Variants in FAM135B observed in about 807,000 individuals in gnomAD.
FAM135B encodes the protein protein FAM135B.
FAM135B carries 43 observed loss-of-function variants against 127.7 expected under a neutral mutation model. That is an observed-to-expected ratio of 0.34 (90% CI 0.26 to 0.43). FAM135B has a LOEUF of 0.43. FAM135B is among the 20% of genes least tolerant of loss of function. The pLI, the probability that FAM135B is intolerant of heterozygous loss-of-function variation, is 1.00. For synonymous variants in FAM135B, 670 were observed against 665.1 expected (o/e 1.01, Z -0.11); for missense variants, 1,558 against 1,725.6 (o/e 0.90, Z 1.72).
At chr8:138,278,768 T>C (rs1261141549) in intron 3 of FAM135B, among the ~76,000 whole-genome samples, 1 of 151,962 alleles carries the variant, frequency 6.6e-6, no homozygotes, top group East Asian at 1.9e-4. Context: ...TTCGCCACGT[T>C]GGCCAGTCTG....
intron 7 of FAM135B, among the ~76,000 whole-genome samples, chr8:138,205,682 C>CCAA (rs1035642471): frequency 3.3e-5 from 5 of 152,088 alleles, no homozygotes; most frequent in African/African-American, 4.8e-5. Flanking sequence ...TTGAGTTGAA[C>CCAA]TGCAAATATT....
chr8:138,478,393 A>G (rs142702135), intron 1 of FAM135B, among the ~76,000 whole-genome samples: 151 of 152,302 alleles, frequency 9.9e-4, no homozygotes, highest in African/African-American at 3.2e-3. Context: ...ATGGGGGTGC[A>G]TATTACCTCC....
In FAM135B at chr8:138,373,615, C is replaced by T. The variant is rs367928337; in HGVS notation, c.-19-5613G>A. Among the ~76,000 whole-genome samples, 25 of 151,914 alleles carry T rather than the reference C, an allele frequency of 1.6e-4. No homozygotes were observed. In the East Asian group the frequency reaches 2.3e-3, roughly 14 times the overall value. On this transcript the variant is annotated intron_variant, in intron 1 of 19. Coordinates refer to ENST00000395297, the MANE Select transcript of FAM135B (RefSeq NM_015912.4). ...AAACTCTGACCACTGGTGAGCTGGG[C>T]GGAACAGAGCCATATTTCTCTTCTT...
At chr8:138,318,015 C>T (rs1827210019) in intron 2 of FAM135B, among the ~76,000 whole-genome samples, 1 of 152,210 alleles carries the variant, frequency 6.6e-6, no homozygotes, top group South Asian at 2.1e-4. Context: ...TGTAATAAAA[C>T]ATCTTTAAAA....
intron 7 of FAM135B, among the ~76,000 whole-genome samples, chr8:138,234,282 G>C (rs1586840923): frequency 6.6e-6 from 1 of 152,150 alleles, no homozygotes; most frequent in Non-Finnish European, 1.5e-5. Flanking sequence ...GTAGAATAGT[G>C]CAGCCACTAT....
intron 2 of FAM135B, among the ~76,000 whole-genome samples, chr8:138,335,537 A>C (rs1828513107): frequency 6.6e-6 from 1 of 152,216 alleles, no homozygotes; most frequent in African/African-American, 2.4e-5. Context: ...TAAAGGGATC[A>C]ATTCAACAAG....
intron 12 of FAM135B, among the ~76,000 whole-genome samples, chr8:138,163,654 G>A (rs534499151): frequency 4.5e-4 from 68 of 152,140 alleles, no homozygotes; most frequent in Admixed American, 1.2e-3. Context: ...ACCTTCCACC[G>A]TGTGATGCCT....
intron 1 of FAM135B, among the ~76,000 whole-genome samples, chr8:138,466,403 C>A (rs1837382366): frequency 6.6e-6 from 1 of 152,084 alleles, no homozygotes; most frequent in Non-Finnish European, 1.5e-5. Context: ...CTGGAAAACC[C>A]AAGAGATGAT....
In FAM135B at chr8:138,152,825, C is replaced by T. The variant is rs3763590; in HGVS notation, c.1650G>A (p.Val550=). The change falls in exon 13 of 20, where the codon GTG becomes GTA. Residue 550 remains valine, a synonymous_variant. Transcript: ENST00000395297. ...SPGPEDGQAP[V]LTYIDVKSSN... is the part of the protein sequence containing the mutation. ...TAGATTTTACGTCAATGTAGGTCAG[C>T]ACTGGGGCCTGTCCATCCTCTGGAC... 0.37 allele frequency: 589,492 copies of T among 1,613,914 alleles called. 111,472 individuals are homozygous for T. The highest frequency in any genetic ancestry group is 0.55 in the East Asian group (24,574 of 44,864).
At chr8:138,165,475 T>A (rs980502700) in intron 12 of FAM135B, among the ~76,000 whole-genome samples, 1 of 152,170 alleles carries the variant, frequency 6.6e-6, no homozygotes, top group African/African-American at 2.4e-5. Flanking sequence ...CACCTGTGAG[T>A]TGAGGGACTG....
chr8:138,394,998 T>G (rs1832777428), intron 1 of FAM135B, among the ~76,000 whole-genome samples: 1 of 152,182 alleles, frequency 6.6e-6, no homozygotes, highest in Non-Finnish European at 1.5e-5. Context: ...GTCCCTTCTC[T>G]TGACTTCCAT....
intron 9 of FAM135B, among the ~76,000 whole-genome samples, chr8:138,185,321 G>A (rs1226180960): frequency 6.6e-6 from 1 of 152,176 alleles, no homozygotes; most frequent in Non-Finnish European, 1.5e-5. Context: ...GGTAGATAGT[G>A]TCCCGGAGTG....
At chr8:138,291,342 A>C (rs1825095459) in intron 3 of FAM135B, among the ~76,000 whole-genome samples, 1 of 152,218 alleles carries the variant, frequency 6.6e-6, no homozygotes, top group Non-Finnish European at 1.5e-5. Context: ...ACTTAGGCAT[A>C]AAATGACCAT....
At chr8:138,452,028 AT>A (rs1836513829) in intron 1 of FAM135B, among the ~76,000 whole-genome samples, 1 of 152,238 alleles carries the variant, frequency 6.6e-6, no homozygotes, top group East Asian at 1.9e-4. Flanking sequence ...AAATACACTA[AT>A]AAAAAATTAT....
At chr8:138,363,099 G>T (rs1334035167) in intron 2 of FAM135B, among the ~76,000 whole-genome samples, 1 of 152,142 alleles carries the variant, frequency 6.6e-6, no homozygotes, top group Non-Finnish European at 1.5e-5. Context: ...GGGGAAGAGG[G>T]CCAAGAATTG....
chr8:138,213,657 T>C (rs892638719), intron 7 of FAM135B, among the ~76,000 whole-genome samples: 20 of 152,108 alleles, frequency 1.3e-4, no homozygotes, highest in African/African-American at 4.8e-4. Context: ...TGTTTATAGA[T>C]TTAAGCAAGA....
intron 3 of FAM135B, among the ~76,000 whole-genome samples, chr8:138,266,729 C>T (rs1219049111): frequency 6.8e-6 from 1 of 147,110 alleles, no homozygotes; most frequent in Non-Finnish European, 1.5e-5. Context: ...CTCCAAATTA[C>T]TTCACACATG....
At chr8:138,398,274 G>T (rs1341673699) in intron 1 of FAM135B, among the ~76,000 whole-genome samples, 2 of 152,204 alleles carry the variant, frequency 1.3e-5, no homozygotes, top group Non-Finnish European at 2.9e-5. Context: ...GTCTGTGCAG[G>T]TAAAAAGACC....
chr8:138,402,400 T>C (rs1470104796), intron 1 of FAM135B, among the ~76,000 whole-genome samples: 1 of 152,186 alleles, frequency 6.6e-6, no homozygotes, highest in African/African-American at 2.4e-5. Context: ...CTTGATGTTT[T>C]TGACCCAGGT....
Sources: gnomAD v4.1 joint callset for allele counts (sites outside exome capture counted in the v4.1 genomes callset) on GRCh38, gnomAD v4.1.1 for gene constraint, MANE v1.5 for transcripts, NCBI Gene and HGNC (gene_info 2026-07-23, HGNC 2026-07-21) for gene names.